The following TEP1 variants were observed in gnomAD, a reference collection of about 807,000 sequenced individuals.
TEP1 encodes telomerase protein component 1.
Under a neutral mutation model 306.3 loss-of-function variants are expected in TEP1, and 241 were observed. That is an observed-to-expected ratio of 0.79 (90% CI 0.71 to 0.88). The LOEUF is 0.88. Ranked by LOEUF, TEP1 falls within the 40% of genes least tolerant of loss-of-function variation. The pLI, the probability that TEP1 is intolerant of heterozygous loss-of-function variation, is 0.00. For missense variants in TEP1, 3,051 were observed against 3,276.1 expected, an observed-to-expected ratio of 0.93 and a Z score of 1.68; for synonymous variants, 1,289 against 1,305.5, an observed-to-expected ratio of 0.99 and a Z score of 0.27.
Position 20,365,669 on chromosome 14 carries a change from C to A in TEP1, c.*2768G>T, listed in dbSNP as rs541949056. 3 of 152,254 alleles carry A rather than the reference C, an allele frequency of 2.0e-5. No homozygotes were observed. Among genetic ancestry groups the A allele is most frequent in the East Asian group, 3.9e-4 (2 of 5,182 alleles). 9.4% of individuals were successfully genotyped at this position (152,254 alleles called of 1,614,324 possible). On this transcript the variant is annotated 3_prime_UTR_variant, in exon 55 of 55. Transcript: ENST00000262715. ...ATGAAATTAAAAAGCACACAAAATA[C>A]AAGCCTCCATTTTTATTATTAAATT...
intron 39 of TEP1, 133 bp from the exon 40 acceptor site, chr14:20,377,886 C>A: frequency 1.4e-6 from 2 of 1,420,402 alleles, no homozygotes; most frequent in Non-Finnish European, 1.9e-6. Context: ...CTGCACACAG[C>A]GGCACCCCTC....
At chr14:20,397,575 T>C (rs1384125431) in intron 9 of TEP1, among the ~76,000 whole-genome samples, 2 of 152,188 alleles carry the variant, frequency 1.3e-5, no homozygotes, top group Admixed American at 6.5e-5. Context: ...ATATTTGAAA[T>C]AGTCTTCATA....
rs1231472427 is a variant in TEP1, at chr14:20,378,612, C to T, written c.5353-77G>A. The T allele has an allele frequency of 1.9e-6, 3 of 1,601,984 alleles. No individual in the cohort carries two copies. In the Admixed American group the frequency reaches 5.0e-5, roughly 27 times the overall value. ...CTCAGTCCCAGACCTCCAGGAGCAACCTTGTCCAGTTACCCTGCCCTCAGC... is the reference window on the plus strand; with the variant it reads ...CTCAGTCCCAGACCTCCAGGAGCAATCTTGTCCAGTTACCCTGCCCTCAGC... On this transcript the variant is annotated intron_variant, in intron 37 of 54. Coordinates refer to ENST00000262715, the MANE Select transcript of TEP1 (RefSeq NM_007110.5).
rs2297613 is a variant in TEP1 at position 20,391,641 on chromosome 14, A to T, written c.2055T>A (p.Asp685Glu). 111 of 1,614,154 alleles carry T rather than the reference A, an allele frequency of 6.9e-5. No individual in the cohort carries two copies. The East Asian group carries it at 2.1e-3, about 30-fold the overall frequency. The part of the protein sequence containing the change: ...PGRTVLVYLT[D>E]ANADRLCPKS... ...TTGGACAGAGCCTGTCTGCATTAGCATCTGTCAGATAGACCAAGACAGTGC... is the reference window on the plus strand; with the variant it reads ...TTGGACAGAGCCTGTCTGCATTAGCTTCTGTCAGATAGACCAAGACAGTGC... The change falls in exon 13 of 55, where the codon GAT becomes GAA. Residue 685 changes from aspartate to glutamate, a missense_variant. By Grantham distance (45) the Asp-to-Glu change is conservative (BLOSUM62 2). Around this residue, in one of 3 missense-constraint regions of TEP1, gnomAD observed 1,507 missense variants for 1,550.5 expected, o/e 0.97. Transcript: ENST00000262715.
In TEP1 at chr14:20,383,240, G is replaced by A. The variant is rs760613315; in HGVS notation, c.3981C>T (p.Ala1327=). ...GGGCCAGCTCCTCTCTCACCAGCCG[G>A]GCCCGAGCAGAGGCCTCCAGAGGCC... ...ALGPLEASAR[A]RLVREELALY... is the part of the protein sequence containing the mutation. The change falls in exon 27 of 55, where the codon GCC becomes GCT. Residue 1327 remains alanine (A), a synonymous_variant. Coordinates refer to ENST00000262715, the MANE Select transcript of TEP1 (RefSeq NM_007110.5). 1.2e-6 allele frequency: 2 copies of A among 1,613,990 alleles called. No individual in the cohort carries two copies. The highest frequency in any genetic ancestry group is 2.2e-5 in the South Asian group (2 of 91,046).
At chr14:20,383,707 G>A (rs200198156) in intron 25 of TEP1, 36 bp downstream of exon 25, 4 of 1,607,810 alleles carry the variant, frequency 2.5e-6, no homozygotes, top group Admixed American at 3.4e-5. Context: ...TGGTACGTGG[G>A]CATCAACAAG....
In TEP1 at chr14:20,380,228, GTCTTACCT is replaced by G. The variant is rs1423140821; in HGVS notation, c.5002_5003+6del. On this transcript the variant is annotated splice_donor_variant and splice_donor_5th_base_variant and coding_sequence_variant and intron_variant, in exon 34 of 55. Transcript: ENST00000262715. LOFTEE classifies it high-confidence loss of function. ...GGGCTTACTAGGGTCTGGGGTCAAG[GTCTTACCT>G]TTGCTGATTTTTCATGGTCCGGGGT... 2 of 1,613,212 alleles carry G rather than the reference GTCTTACCT, an allele frequency of 1.2e-6. No homozygotes were observed. Among genetic ancestry groups the G allele is most frequent in the Non-Finnish European group, 8.5e-7 (1 of 1,179,352 alleles).
Position 20,380,557 on chromosome 14 carries a change from CTACAATAGTA to C in TEP1, c.4763-92_4763-83del, listed in dbSNP as rs376741158. 281 of 1,502,858 alleles carry C rather than the reference CTACAATAGTA, an allele frequency of 1.9e-4. 1 individual carries two copies. The African/African-American group carries it at 3.2e-3, about 17-fold the overall frequency. 93.1% of individuals were successfully genotyped at this position (1,502,858 alleles called of 1,614,324 possible). On this transcript the variant is annotated intron_variant, in intron 33 of 54. Coordinates refer to ENST00000262715, the MANE Select transcript of TEP1 (RefSeq NM_007110.5). ...CACCAAATAAAACCATATGGTGTGTCTACAATAGTAAGTCTCAAAGTGTGGCCCTCTGGCC... is the reference window on the plus strand; with the variant it reads ...CACCAAATAAAACCATATGGTGTGTCAGTCTCAAAGTGTGGCCCTCTGGCC...
chr14:20,410,802 GTTTTTTTTTTTT>G (rs61662364), intron 1 of TEP1, among the ~76,000 whole-genome samples: 20 of 25,228 alleles, frequency 7.9e-4, no homozygotes, highest in East Asian at 4.9e-3. Flanking sequence ...CTCCTTTGTG[GTTTTTTTTTTTT>G]TTTTTTTTTT....
intron 51 of TEP1, among the ~76,000 whole-genome samples, chr14:20,370,145 C>A (rs1482129042): frequency 3.9e-5 from 6 of 152,148 alleles, no homozygotes. Flanking sequence ...AACTCCTGGC[C>A]TCAGGTGATC....
rs757366687 is a variant in TEP1 at position 20,368,797 on chromosome 14, C to CACACACACACA, written c.7761_7761+1insTGTGTGTGTGT (p.Leu2588CysfsTer14). The CACACACACACA allele has an allele frequency of 8.1e-6, 13 of 1,602,892 alleles. No individual in the cohort carries two copies. Among genetic ancestry groups the CACACACACACA allele is most frequent in the Admixed American group, 3.3e-5 (2 of 59,750 alleles). On this transcript the variant is annotated frameshift_variant and splice_region_variant. Coordinates refer to ENST00000262715, the MANE Select transcript of TEP1 (RefSeq NM_007110.5). LOFTEE classifies it high-confidence loss of function. ...ACACACACACACACACACACACTTA[C>CACACACACACA]CAGCTGCATACTGGGTCTCTCCCAT...
intron 43 of TEP1, among the ~76,000 whole-genome samples, chr14:20,375,194 T>TG (rs1200306587): frequency 6.6e-6 from 1 of 151,908 alleles, no homozygotes; most frequent in Non-Finnish European, 1.5e-5. Context: ...TATTTTGAGA[T>TG]GGAGTTTCAC....
intron 2 of TEP1, among the ~76,000 whole-genome samples, chr14:20,407,553 C>T (rs1879274772): frequency 6.6e-6 from 1 of 152,198 alleles, no homozygotes; most frequent in Admixed American, 6.5e-5. Flanking sequence ...GTTGCCCAGG[C>T]TGGTCTCGAA....
chr14:20,375,491 C>T (rs1247075023), intron 43 of TEP1, among the ~76,000 whole-genome samples: 1 of 152,140 alleles, frequency 6.6e-6, no homozygotes, highest in Non-Finnish European at 1.5e-5. Flanking sequence ...GGCTCAGCTT[C>T]ATCATTGACC....
rs371194941 is a variant in TEP1 at position 20,381,558 on chromosome 14, A to G, written c.4553T>C (p.Ile1518Thr). Residue 1518 changes from isoleucine to threonine, a missense_variant, in exon 31 of 55, where the codon ATT (isoleucine) becomes ACT (threonine). By Grantham distance (89) the Ile-to-Thr change is moderately conservative. This residue lies in a region of TEP1 where 1,540 missense variants were observed against 1,705.9 expected (regional missense o/e 0.90). Coordinates refer to ENST00000262715, the MANE Select transcript of TEP1 (RefSeq NM_007110.5). This position sits in a 1 kb window ranked among gnomAD's most constrained non-coding sequence, Gnocchi z 4.0. ...CTGACTTGGGCTGCAATCACCTGCA[A>G]TGAGGATGTGTGCCGTGTCCTCTAG... is the stretch of plus-strand genomic sequence containing the variant. ...PGLEDTAHIL[I>T]AAQLWKTCDA... 12 of 1,613,668 alleles carry G rather than the reference A, an allele frequency of 7.4e-6. No homozygotes were observed. The highest frequency in any genetic ancestry group is 1.0e-5 in the Non-Finnish European group (12 of 1,180,010).
chr14:20,409,214 C>T (rs1879440010), intron 1 of TEP1, among the ~76,000 whole-genome samples: 1 of 152,172 alleles, frequency 6.6e-6, no homozygotes, highest in Non-Finnish European at 1.5e-5. Flanking sequence ...GTTGATTACT[C>T]TCTCATTAAA....
rs1237839271 is a variant in TEP1 at position 20,391,580 on chromosome 14, A to G, written c.2097+19T>C. The G allele has an allele frequency of 6.2e-7, 1 of 1,605,660 alleles. No homozygotes were observed. Among genetic ancestry groups the G allele is most frequent in the South Asian group, 1.1e-5 (1 of 90,572 alleles). On this transcript the variant is annotated intron_variant, in intron 13 of 54. Transcript: ENST00000262715. ...TTCTACCAACCCAACCCCTTGGAGG[A>G]TGCTTTTTGTTTTCTTACCCCTTGT...
At chr14:20,403,065 G>A (rs1475737763) in intron 7 of TEP1, among the ~76,000 whole-genome samples, 4 of 150,900 alleles carry the variant, frequency 2.7e-5, no homozygotes, top group African/African-American at 9.8e-5. Context: ...GCTGAGGCAG[G>A]AGAATCGCTT....
intron 3 of TEP1, among the ~76,000 whole-genome samples, 161 bp downstream of exon 3, chr14:20,406,072 A>T (rs1005158309): frequency 2.6e-5 from 4 of 151,876 alleles, no homozygotes; most frequent in African/African-American, 7.3e-5. Context: ...AGAAAAGGAA[A>T]ATAAAAGAAA....
Sources: gnomAD v4.1 joint callset for allele counts (sites outside exome capture counted in the v4.1 genomes callset) on GRCh38, gnomAD v4.1.1 for gene constraint, gnomAD v4.1.1 regional missense constraint, Gnocchi (gnomAD v3.1) non-coding constraint, MANE v1.5 for transcripts, NCBI Gene and HGNC (gene_info 2026-07-23, HGNC 2026-07-21) for gene names.